The following ABCA13 variants were observed in gnomAD, a reference collection of about 807,000 sequenced individuals.
ABCA13 encodes ATP-binding cassette sub-family A member 13.
Under a neutral mutation model 478.7 loss-of-function variants are expected in ABCA13, and 476 were observed. The observed-to-expected ratio is 0.99, with a 90% CI of 0.92 to 1.07. The LOEUF (loss-of-function observed/expected upper bound fraction) is 1.07, where lower values mean the gene tolerates loss of function less well. Among genes scored for constraint, ABCA13 ranks in the 50% least tolerant of loss-of-function variants. ABCA13 has a pLI of 0.00. For missense variants in ABCA13, 6,060 were observed against 5,910.6 expected, an observed-to-expected ratio of 1.03 and a Z score of -0.83; for synonymous variants, 2,252 against 2,158.9, an observed-to-expected ratio of 1.04 and a Z score of -1.20.
rs1796818726 is a variant in ABCA13, at chr7:48,279,981, C to T, written c.8726+61C>T. 3.5e-6 allele frequency: 5 copies of T among 1,433,636 alleles called. No individual in the cohort carries two copies. The South Asian group carries it at 8.5e-5, about 24-fold the overall frequency. The allele number at this position is 1,433,636 out of a possible 1,614,324, so 88.8% of individuals were successfully genotyped here. A position where few individuals can be genotyped will look rare whatever the true frequency, so the allele number is the denominator to read the frequency against. On this transcript the variant is annotated intron_variant, in intron 18 of 61. Coordinates refer to ENST00000435803, the MANE Select transcript of ABCA13 (RefSeq NM_152701.5). ...CTACCGCAGTAGCTATAAAATAGAA[C>T]CATGCAGGAATTACAGTGAATCGGG...
At chr7:48,563,870 T>G (rs1363857870) in intron 55 of ABCA13, among the ~76,000 whole-genome samples, 1 of 151,394 alleles carries the variant, frequency 6.6e-6, no homozygotes, top group East Asian at 1.9e-4. Context: ...TTCCTATAAT[T>G]TGGAGGATTT....
chr7:48,534,334 A>G (rs534962717), intron 55 of ABCA13, among the ~76,000 whole-genome samples: 4 of 152,286 alleles, frequency 2.6e-5, no homozygotes, highest in Non-Finnish European at 5.9e-5. Context: ...ATTTCTTCTG[A>G]GAAATCTGCT....
chr7:48,285,553 A>G (rs73697121), intron 19 of ABCA13, among the ~76,000 whole-genome samples: 1,565 of 152,316 alleles, frequency 0.01, 25 homozygotes, highest in African/African-American at 0.036. Context: ...GCATCCCATG[A>G]TCATATCATC....
chr7:48,240,744 T>C, intron 9 of ABCA13, 123 bp from the exon 10 acceptor site: 1 of 781,498 alleles, frequency 1.3e-6, no homozygotes, highest in Non-Finnish European at 1.8e-6. Flanking sequence ...GACATTTTAA[T>C]TTACCAAAAA....
At chr7:48,497,948 G>A (rs771269765) in intron 48 of ABCA13, among the ~76,000 whole-genome samples, 166 of 152,306 alleles carry the variant, frequency 1.1e-3, no homozygotes, top group African/African-American at 3.7e-3. Context: ...CTGAGTAGCC[G>A]TATTCTGCAC....
At position 48,455,086 on chromosome 7, in the gene ABCA13, C is replaced by T; in HGVS notation, c.12615C>T (p.Arg4205=). 1 of 1,547,814 alleles carries T rather than the reference C, an allele frequency of 6.5e-7. No individual in the cohort carries two copies. The highest frequency in any genetic ancestry group is 8.7e-7 in the Non-Finnish European group (1 of 1,147,146). The stretch of plus-strand genomic sequence containing the variant: ...CTGTGCAGGGCGTCCAGCTGCTCCG[C>T]GCACAAGTGGCCGCGATCCTGGCCC... ...PATVQGVQLL[R]AQVAAILARR... Residue 4205 remains arginine, a synonymous_variant, in exon 43 of 62, where the codon CGC becomes CGT. Coordinates refer to ENST00000435803, the MANE Select transcript of ABCA13 (RefSeq NM_152701.5).
intron 23 of ABCA13, among the ~76,000 whole-genome samples, chr7:48,299,095 G>A (rs1481490212): frequency 6.6e-6 from 1 of 152,184 alleles, no homozygotes; most frequent in Non-Finnish European, 1.5e-5. Context: ...AAGGGGAACG[G>A]GGACATCTCA....
At chr7:48,221,254 A>G (rs762976281) in intron 4 of ABCA13, 27 bp from the exon 5 acceptor site, 13 of 1,081,800 alleles carry the variant, frequency 1.2e-5, no homozygotes, top group Admixed American at 6.5e-5. Context: ...GATTGAACTA[A>G]TATCTCTTAA....
In ABCA13 at chr7:48,274,531, C is replaced by A. The variant is rs1796038879; in HGVS notation, c.4865C>A (p.Pro1622His). ...LQNSPKIIISPEIMKATGLGI... is the reference protein window; with the variant it reads ...LQNSPKIIISHEIMKATGLGI... ...AATTCACCAAAAATAATAATTTCAC[C>A]TGAAATAATGAAAGCTACAGGTCTT... The change falls in exon 17 of 62, where the codon CCT becomes CAT. Residue 1622 changes from proline to histidine, a missense_variant. Physicochemically the swap from Pro to His is moderately conservative, Grantham distance 77. Around this residue, in one of 3 missense-constraint regions of ABCA13, gnomAD observed 4,423 missense variants for 4,309.1 expected, o/e 1.03. Coordinates refer to ENST00000435803, the MANE Select transcript of ABCA13 (RefSeq NM_152701.5). 2 of 1,613,774 alleles carry A rather than the reference C, an allele frequency of 1.2e-6. No homozygotes were observed. The highest frequency in any genetic ancestry group is 2.7e-5 in the African/African-American group (2 of 75,008).
At chr7:48,486,646 A>C (rs974621619) in intron 47 of ABCA13, among the ~76,000 whole-genome samples, 1 of 152,160 alleles carries the variant, frequency 6.6e-6, no homozygotes, top group Non-Finnish European at 1.5e-5. Flanking sequence ...TATTGCCACA[A>C]TAATGCTCTA....
intron 38 of ABCA13, among the ~76,000 whole-genome samples, chr7:48,397,842 G>A (rs1356565645): frequency 4.6e-5 from 7 of 152,186 alleles, no homozygotes; most frequent in African/African-American, 1.4e-4. Context: ...TTGAGGGACC[G>A]AAGTCCATTG....
At chr7:48,284,326 T>C (rs1037317020) in intron 19 of ABCA13, among the ~76,000 whole-genome samples, 7 of 152,040 alleles carry the variant, frequency 4.6e-5, no homozygotes, top group Admixed American at 6.6e-5. Flanking sequence ...TTTTGCATGT[T>C]TTTTTTTCTT....
chr7:48,481,094 T>C lies in ABCA13; in HGVS notation c.13034T>C (p.Leu4345Pro). The C allele has an allele frequency of 6.2e-7, 1 of 1,603,206 alleles. No homozygotes were observed. Among genetic ancestry groups the C allele is most frequent in the South Asian group, 1.1e-5 (1 of 88,124 alleles). The change falls in exon 46 of 62, where the codon CTG becomes CCG. Residue 4345 changes from leucine to proline, a missense_variant. Transcript: ENST00000435803. ...CTGACCAACCACCTGGGCCACACAC[T>C]GTTGAATCTCTCAGGCTTCAATATG... Reference protein sequence around the residue: ...PYLTNHLGHTLLNLSGFNMEE... With the variant: ...PYLTNHLGHTPLNLSGFNMEE...
At chr7:48,518,238 G>A (rs1414496848) in intron 52 of ABCA13, among the ~76,000 whole-genome samples, 2 of 152,168 alleles carry the variant, frequency 1.3e-5, no homozygotes, top group Non-Finnish European at 2.9e-5. Flanking sequence ...CTCCCTCATC[G>A]GATCTCTAGC....
At chr7:48,613,088 T>C (rs960038056) in intron 58 of ABCA13, among the ~76,000 whole-genome samples, 9 of 152,126 alleles carry the variant, frequency 5.9e-5, no homozygotes, top group Non-Finnish European at 1.2e-4. Context: ...ATTTACCCTT[T>C]TTTCTCTATT....
At chr7:48,364,234 A>T (rs965408826) in intron 31 of ABCA13, among the ~76,000 whole-genome samples, 1 of 152,158 alleles carries the variant, frequency 6.6e-6, no homozygotes, top group Non-Finnish European at 1.5e-5. Context: ...TTCCCTGGAA[A>T]TAGGGTCTAG....
Position 48,330,030 on chromosome 7 carries a change from T to TATCC in ABCA13, c.10000-5349_10000-5346dup, listed in dbSNP as rs59122878. Among the ~76,000 whole-genome samples, 1,272 of 139,730 alleles carry TATCC rather than the reference T, an allele frequency of 9.1e-3. 14 individuals are homozygous for TATCC. Among genetic ancestry groups the TATCC allele is most frequent in the Non-Finnish European group, 0.014 (864 of 63,470 alleles). 91.7% of individuals were successfully genotyped at this position (139,730 alleles called of 152,430 possible). On this transcript the variant is annotated intron_variant, in intron 27 of 61. Transcript: ENST00000435803. ...TTATCTATTCATCCATTGATCTATT[T>TATCC]ATCCATCCATCCATCCATCCATCCA...
intron 26 of ABCA13, among the ~76,000 whole-genome samples, chr7:48,316,827 A>G (rs1802657717): frequency 1.3e-5 from 2 of 152,158 alleles, no homozygotes; most frequent in Admixed American, 6.5e-5. Context: ...TTATTTACTT[A>G]TTTTTAAACA....
chr7:48,439,764 C>G (rs6955407), intron 42 of ABCA13, among the ~76,000 whole-genome samples: 37,645 of 151,984 alleles, frequency 0.25, 5,001 homozygotes, highest in Middle Eastern at 0.33. Flanking sequence ...TCAAAGTGAG[C>G]AGGATAATCT....
Sources: allele counts gnomAD v4.1 joint callset (sites outside exome capture counted in the v4.1 genomes callset), GRCh38; gene constraint gnomAD v4.1.1; regional missense constraint gnomAD v4.1.1; transcripts MANE v1.5; gene names NCBI Gene and HGNC (gene_info 2026-07-23, HGNC 2026-07-21).